Variants in PKIA observed in about 807,000 individuals in gnomAD.
PKIA encodes cAMP-dependent protein kinase inhibitor alpha.
A neutral mutation model predicts 7.6 loss-of-function variants in PKIA; 4 were observed. The observed-to-expected ratio is 0.52, with a 90% CI of 0.26 to 1.20. PKIA has a LOEUF of 1.20. Among genes scored for constraint, PKIA ranks in the 50% most tolerant of loss-of-function variants. PKIA has a pLI of 0.13. For missense variants in PKIA, 73 were observed against 86.2 expected, an observed-to-expected ratio of 0.85 and a Z score of 0.61; for synonymous variants, 21 against 30.7, an observed-to-expected ratio of 0.68 and a Z score of 1.04.
At chr8:78,525,868 G>T (rs9693457) in intron 1 of PKIA, among the ~76,000 whole-genome samples, 36,697 of 151,764 alleles carry the variant, frequency 0.24, 5,185 homozygotes, top group African/African-American at 0.4. Flanking sequence ...GGAAATGAAT[G>T]TGGGCTTTGA....
intron 3 of PKIA, among the ~76,000 whole-genome samples, chr8:78,600,352 C>T (rs1206716251): frequency 6.6e-6 from 1 of 152,014 alleles, no homozygotes; most frequent in African/African-American, 2.4e-5. Context: ...AATATTGTTG[C>T]TTCATGTTTA....
intron 1 of PKIA, chr8:78,536,008 G>A (rs1806512846): frequency 6.6e-6 from 1 of 151,984 alleles, no homozygotes; most frequent in Non-Finnish European, 1.5e-5. Flanking sequence ...TTACCTTTCT[G>A]CTCAAGCTCA....
At chr8:78,531,227 C>T (rs981208770) in intron 1 of PKIA, among the ~76,000 whole-genome samples, 3 of 152,044 alleles carry the variant, frequency 2.0e-5, no homozygotes, top group Admixed American at 6.6e-5. Flanking sequence ...TTATGTTCTA[C>T]CCTTTCTTAG....
At chr8:78,550,232 C>T (rs868471735) in intron 1 of PKIA, among the ~76,000 whole-genome samples, 2 of 152,082 alleles carry the variant, frequency 1.3e-5, no homozygotes, top group Admixed American at 6.6e-5. Flanking sequence ...TGTGATTAGA[C>T]ATTTGTGTTT....
intron 1 of PKIA, among the ~76,000 whole-genome samples, chr8:78,536,950 AG>A (rs1303593822): frequency 6.7e-6 from 1 of 150,090 alleles, no homozygotes; most frequent in Non-Finnish European, 1.5e-5. Context: ...CCCATATCTG[AG>A]TGGTTCTTTC....
chr8:78,592,361 A>G (rs79503911), intron 2 of PKIA, among the ~76,000 whole-genome samples: 17,632 of 152,054 alleles, frequency 0.12, 1,111 homozygotes, highest in Middle Eastern at 0.18. Flanking sequence ...AAGCAATGAA[A>G]TATTACTTTT....
At chr8:78,531,964 A>C (rs1372055170) in intron 1 of PKIA, among the ~76,000 whole-genome samples, 1 of 152,164 alleles carries the variant, frequency 6.6e-6, no homozygotes, top group Admixed American at 6.6e-5. Flanking sequence ...AGTGAATTTC[A>C]ATTTAGTAAT....
intron 2 of PKIA, among the ~76,000 whole-genome samples, chr8:78,584,289 T>C (rs1458502828): frequency 2.0e-5 from 3 of 152,072 alleles, no homozygotes; most frequent in Non-Finnish European, 2.9e-5. Context: ...GGCCAGCCAT[T>C]GGTAAGTTTA....
intron 1 of PKIA, among the ~76,000 whole-genome samples, chr8:78,555,137 G>C (rs985532060): frequency 1.3e-5 from 2 of 152,014 alleles, no homozygotes; most frequent in Admixed American, 6.6e-5. Flanking sequence ...CACCTTCAGA[G>C]ACTTCTCTTC....
intron 1 of PKIA, among the ~76,000 whole-genome samples, chr8:78,532,858 T>A (rs371436511): frequency 2.4e-4 from 36 of 152,022 alleles, no homozygotes; most frequent in Non-Finnish European, 4.3e-4. Context: ...GAGGTTGCAG[T>A]GAGCTGAGAT....
chr8:78,517,353 C>T (rs1387308346), intron 1 of PKIA, among the ~76,000 whole-genome samples: 4 of 152,160 alleles, frequency 2.6e-5, no homozygotes, highest in African/African-American at 9.7e-5. Flanking sequence ...CTAGAGAGGA[C>T]AGATAGAATC....
At chr8:78,570,936 A>G (rs573507895) in intron 1 of PKIA, among the ~76,000 whole-genome samples, 3 of 152,292 alleles carry the variant, frequency 2.0e-5, no homozygotes, top group Non-Finnish European at 2.9e-5. Context: ...TTATTGGTCC[A>G]CAGAATGAAT....
intron 1 of PKIA, among the ~76,000 whole-genome samples, chr8:78,554,787 G>C (rs946885047): frequency 2.0e-5 from 3 of 152,008 alleles, no homozygotes; most frequent in African/African-American, 7.2e-5. Flanking sequence ...GATGCATTTA[G>C]GAGACATTCT....
chr8:78,593,922 AG>A, intron 2 of PKIA, among the ~76,000 whole-genome samples: 1 of 152,340 alleles, frequency 6.6e-6, no homozygotes, highest in Middle Eastern at 3.4e-3. Context: ...ATCAGGAAGC[AG>A]GAAAGTTTTC....
At chr8:78,542,249 T>G (rs1177219271) in intron 1 of PKIA, among the ~76,000 whole-genome samples, 1 of 152,126 alleles carries the variant, frequency 6.6e-6, no homozygotes, top group Admixed American at 6.6e-5. Flanking sequence ...CTGCCCTAGT[T>G]TGAACTTAAT....
At chr8:78,544,170 A>G (rs1806764819) in intron 1 of PKIA, among the ~76,000 whole-genome samples, 1 of 152,150 alleles carries the variant, frequency 6.6e-6, no homozygotes, top group Non-Finnish European at 1.5e-5. Flanking sequence ...ACTACCTTCT[A>G]CCTCGTGGCA....
chr8:78,568,045 G>A (rs557032396), intron 1 of PKIA, among the ~76,000 whole-genome samples: 1 of 152,200 alleles, frequency 6.6e-6, no homozygotes, highest in Non-Finnish European at 1.5e-5. Flanking sequence ...AGTGGTATTA[G>A]CACCAAGATC....
At chr8:78,541,279 T>C (rs2118413328) in intron 1 of PKIA, among the ~76,000 whole-genome samples, 1 of 152,232 alleles carries the variant, frequency 6.6e-6, no homozygotes, top group East Asian at 1.9e-4. Flanking sequence ...AGTTGGCAAG[T>C]GGCAATCTAG....
At chr8:78,551,795 C>G (rs1806990446) in intron 1 of PKIA, among the ~76,000 whole-genome samples, 1 of 151,852 alleles carries the variant, frequency 6.6e-6, no homozygotes, top group African/African-American at 2.4e-5. Context: ...GGGGCTCTTC[C>G]CGGTATTTAA....
Sources: allele counts gnomAD v4.1 joint callset (sites outside exome capture counted in the v4.1 genomes callset), GRCh38; gene constraint gnomAD v4.1.1; transcripts MANE v1.5; gene names NCBI Gene and HGNC (gene_info 2026-07-23, HGNC 2026-07-21).